The following PAPPA2 variants were observed in gnomAD, a reference collection of about 807,000 sequenced individuals.
The protein encoded by PAPPA2 is pappalysin 2.
Under a neutral mutation model 176.4 loss-of-function variants are expected in PAPPA2, and 86 were observed. The observed-to-expected ratio is 0.49, with a 90% CI of 0.41 to 0.58. PAPPA2 has a LOEUF of 0.58. Ranked by LOEUF, PAPPA2 falls within the 20% of genes least tolerant of loss-of-function variation. The pLI is 0.00. For missense variants in PAPPA2, 2,073 were observed against 2,256.9 expected (o/e 0.92, Z 1.65); for synonymous variants, 809 against 852.2 (o/e 0.95, Z 0.88).
At chr1:176,543,852 G>A (rs960883781) in intron 1 of PAPPA2, among the ~76,000 whole-genome samples, 1 of 152,004 alleles carries the variant, frequency 6.6e-6, no homozygotes, top group African/African-American at 2.4e-5. Context: ...TTCCAAGATG[G>A]AGTGGTTAAG....
intron 20 of PAPPA2, among the ~76,000 whole-genome samples, chr1:176,794,638 A>C (rs1295169208): frequency 2.0e-5 from 3 of 152,156 alleles, no homozygotes; most frequent in Admixed American, 2.0e-4. Flanking sequence ...ACTAATGGCT[A>C]TTCACTGTTC....
At chr1:176,481,011 G>A (rs923329093) in intron 1 of PAPPA2, among the ~76,000 whole-genome samples, 23 of 152,054 alleles carry the variant, frequency 1.5e-4, no homozygotes, top group Non-Finnish European at 1.5e-4. Context: ...TTGTCACCTC[G>A]TTCTGCCCTT....
intron 1 of PAPPA2, among the ~76,000 whole-genome samples, chr1:176,512,308 T>C (rs1034664037): frequency 1.3e-5 from 2 of 151,594 alleles, no homozygotes; most frequent in African/African-American, 4.9e-5. Flanking sequence ...GGTGGGAATG[T>C]GAAATGGTAC....
chr1:176,575,428 T>G (rs1411655302), intron 2 of PAPPA2, among the ~76,000 whole-genome samples: 2 of 152,262 alleles, frequency 1.3e-5, no homozygotes, highest in Non-Finnish European at 2.9e-5. Flanking sequence ...CTGAAATCCT[T>G]CAGTGGCTCC....
intron 14 of PAPPA2, among the ~76,000 whole-genome samples, chr1:176,742,304 GA>G (rs376795422): frequency 0.12 from 17,054 of 142,290 alleles, 1,079 homozygotes; most frequent in South Asian, 0.19. Context: ...AACTGAACAA[GA>G]AAAAAAAAAA....
chr1:176,483,806 A>G (rs915782120), intron 1 of PAPPA2, among the ~76,000 whole-genome samples: 4 of 152,032 alleles, frequency 2.6e-5, no homozygotes, highest in Non-Finnish European at 4.4e-5. Flanking sequence ...GCCTCAAGAA[A>G]GGGAAGATTG....
At chr1:176,649,545 G>A (rs1368111371) in intron 3 of PAPPA2, among the ~76,000 whole-genome samples, 1 of 150,706 alleles carries the variant, frequency 6.6e-6, no homozygotes, top group Non-Finnish European at 1.5e-5. Flanking sequence ...TTTCATATAG[G>A]TATTTATTGC....
intron 1 of PAPPA2, among the ~76,000 whole-genome samples, chr1:176,502,548 C>G (rs1201756713): frequency 6.6e-5 from 10 of 151,990 alleles, no homozygotes; most frequent in Admixed American, 6.6e-4. Context: ...CTTGCTCCAC[C>G]CTTGAACAAC....
At chr1:176,481,951 A>T (rs1286203331) in intron 1 of PAPPA2, among the ~76,000 whole-genome samples, 1 of 152,010 alleles carries the variant, frequency 6.6e-6, no homozygotes, top group Non-Finnish European at 1.5e-5. Context: ...ACCTCAAGTG[A>T]TCCACCTGCC....
Position 176,517,983 on chromosome 1 carries a change from C to T in PAPPA2, c.-916-37424C>T, listed in dbSNP as rs568735136. Among the ~76,000 whole-genome samples the T allele has an allele frequency of 3.3e-5, 5 of 152,170 alleles. No individual in the cohort carries two copies. The South Asian group carries it at 1.0e-3, about 32-fold the overall frequency. On this transcript the variant is annotated intron_variant, in intron 1 of 22. Coordinates refer to ENST00000367662, the MANE Select transcript of PAPPA2 (RefSeq NM_020318.3). Reference sequence around the variant, plus strand: ...CAGAAAGTTAATGAGAAGGAAAGGCCAGTCATGGATTACTAGACTCAAAGG... The same window carrying T: ...CAGAAAGTTAATGAGAAGGAAAGGCTAGTCATGGATTACTAGACTCAAAGG...
At chr1:176,601,735 T>A (rs997858286) in intron 3 of PAPPA2, among the ~76,000 whole-genome samples, 1 of 152,238 alleles carries the variant, frequency 6.6e-6, no homozygotes, top group African/African-American at 2.4e-5. Context: ...TTCCCTGTGG[T>A]ACATACTAGG....
chr1:176,673,789 A>T lies in PAPPA2; in HGVS notation c.2137+2674A>T, dbSNP rs898145905. Among the ~76,000 whole-genome samples, 4 of 152,168 alleles carry T rather than the reference A, an allele frequency of 2.6e-5. No homozygotes were observed. In the East Asian group the frequency reaches 5.8e-4, roughly 22 times the overall value. Reference sequence around the variant, plus strand: ...GAGTCCAATCCCTGAAAGAAGAAAAATGCATTGAAGTGAGTCCTGTATATA... The same window carrying T: ...GAGTCCAATCCCTGAAAGAAGAAAATTGCATTGAAGTGAGTCCTGTATATA... On this transcript the variant is annotated intron_variant, in intron 4 of 22. Transcript: ENST00000367662.
chr1:176,572,604 T>G (rs796905577), intron 2 of PAPPA2, among the ~76,000 whole-genome samples: 8 of 152,292 alleles, frequency 5.3e-5, no homozygotes, highest in African/African-American at 1.9e-4. Context: ...CTTGGGTTAT[T>G]TGTGACCACA....
Position 176,556,562 on chromosome 1 carries a change from G to C in PAPPA2, c.240G>C (p.Arg80Ser), listed in dbSNP as rs765480014. The C allele has an allele frequency of 2.5e-6, 4 of 1,614,072 alleles. No homozygotes were observed. Among genetic ancestry groups the C allele is most frequent in the Non-Finnish European group, 3.4e-6 (4 of 1,180,048 alleles). The change falls in exon 2 of 23, where the codon AGG (arginine) becomes AGC (serine). Residue 80 changes from arginine (R) to serine (S), a missense_variant. Around this residue, in one of 4 missense-constraint regions of PAPPA2, gnomAD observed 1,196 missense variants for 1,330.4 expected, o/e 0.90. Transcript: ENST00000367662. ...CCAGCAGGGCTGGGAACTACCTAAG[G>C]CCCTACCCCGTGGGGGAGCAAGAAA... ...VYPSRAGNYLRPYPVGEQEIH... is the reference protein window; with the variant it reads ...VYPSRAGNYLSPYPVGEQEIH...
intron 1 of PAPPA2, among the ~76,000 whole-genome samples, chr1:176,521,948 C>T (rs1053574303): frequency 2.0e-5 from 3 of 152,146 alleles, no homozygotes; most frequent in African/African-American, 7.2e-5. Flanking sequence ...CTGATATTAT[C>T]TAGGGCCTCC....
chr1:176,596,280 C>A (rs1653978670), intron 3 of PAPPA2, among the ~76,000 whole-genome samples: 2 of 152,176 alleles, frequency 1.3e-5, no homozygotes, highest in Non-Finnish European at 2.9e-5. Context: ...CTACCTGATA[C>A]ACAGCCTCTT....
chr1:176,599,431 A>T (rs913012349), intron 3 of PAPPA2, among the ~76,000 whole-genome samples: 3 of 148,688 alleles, frequency 2.0e-5, no homozygotes, highest in Non-Finnish European at 4.4e-5. Flanking sequence ...GTTACCCCTG[A>T]TACTCCTGGG....
intron 14 of PAPPA2, among the ~76,000 whole-genome samples, chr1:176,745,821 C>T (rs1662881823): frequency 1.3e-5 from 2 of 152,102 alleles, no homozygotes; most frequent in African/African-American, 4.8e-5. Context: ...TGGAATGGGG[C>T]TGGTAGTCAG....
At chr1:176,712,223 A>G in intron 12 of PAPPA2, among the ~76,000 whole-genome samples, 1 of 152,210 alleles carries the variant, frequency 6.6e-6, no homozygotes, top group East Asian at 1.9e-4. Flanking sequence ...TGCAAAAATC[A>G]GAAATGCATA....
Sources: allele counts gnomAD v4.1 joint callset (sites outside exome capture counted in the v4.1 genomes callset), GRCh38; gene constraint gnomAD v4.1.1; regional missense constraint gnomAD v4.1.1; transcripts MANE v1.5; gene names NCBI Gene and HGNC (gene_info 2026-07-23, HGNC 2026-07-21).